The following MCU variants were observed in gnomAD, a reference collection of about 807,000 sequenced individuals.
MCU encodes the protein mitochondrial calcium uniporter.
A neutral mutation model predicts 45.2 loss-of-function variants in MCU; 12 were observed. That is an observed-to-expected ratio of 0.27 (90% CI 0.17 to 0.43). MCU has a LOEUF of 0.43. MCU is among the 20% of genes least tolerant of loss of function. MCU has a pLI of 1.00. For synonymous variants in MCU, 160 were observed against 165.1 expected (o/e 0.97, Z 0.24); for missense variants, 324 against 436.7 (o/e 0.74, Z 2.30).
intron 1 of MCU, among the ~76,000 whole-genome samples, chr10:72,735,751 G>A (rs564610502): frequency 3.1e-4 from 47 of 152,264 alleles, no homozygotes; most frequent in African/African-American, 1.1e-3. Flanking sequence ...ACTTGGCAGG[G>A]ACATTGTAGA....
intron 1 of MCU, among the ~76,000 whole-genome samples, chr10:72,727,840 A>G (rs1385647053): frequency 2.6e-5 from 4 of 152,164 alleles, no homozygotes; most frequent in African/African-American, 4.8e-5. Context: ...GAAAAAATGT[A>G]TGAAGAATGA....
intron 1 of MCU, among the ~76,000 whole-genome samples, chr10:72,790,250 G>A (rs1382086655): frequency 1.3e-5 from 2 of 152,176 alleles, no homozygotes; most frequent in East Asian, 3.8e-4. Context: ...CACCAAAGAA[G>A]ATGGGGGAAA....
chr10:72,724,536 A>T (rs1435676565), intron 1 of MCU, among the ~76,000 whole-genome samples: 1 of 152,076 alleles, frequency 6.6e-6, no homozygotes, highest in Non-Finnish European at 1.5e-5. Flanking sequence ...GTCACTTTTT[A>T]ACATTTTAAG....
chr10:72,741,260 C>T (rs1049855202), intron 1 of MCU, among the ~76,000 whole-genome samples: 20 of 151,914 alleles, frequency 1.3e-4, no homozygotes, highest in Admixed American at 1.1e-3. Context: ...CCACCACACC[C>T]GGCTAATTTT....
rs139508147 is a variant in MCU at position 72,770,417 on chromosome 10, T to G, written c.151-63942T>G. Among the ~76,000 whole-genome samples the G allele has an allele frequency of 1.2e-4, 19 of 152,276 alleles. 1 individual carries two copies. The highest frequency in any genetic ancestry group is 4.6e-4 in the African/African-American group (19 of 41,568). The stretch of plus-strand genomic sequence containing the variant: ...CACTTCAGATTTGTACTAACTCAAT[T>G]CATGTGAAATATCAAAAAGTTGCTC... On this transcript the variant is annotated intron_variant, in intron 1 of 7. Coordinates refer to ENST00000373053, the MANE Select transcript of MCU (RefSeq NM_138357.3).
intron 1 of MCU, among the ~76,000 whole-genome samples, chr10:72,749,910 G>A (rs1224355269): frequency 1.3e-5 from 2 of 151,826 alleles, no homozygotes; most frequent in African/African-American, 2.4e-5. Flanking sequence ...GGGACTACAG[G>A]CGTGTGCTAC....
intron 4 of MCU, among the ~76,000 whole-genome samples, chr10:72,864,281 T>C (rs1278899560): frequency 6.6e-6 from 1 of 152,144 alleles, no homozygotes; most frequent in Non-Finnish European, 1.5e-5. Flanking sequence ...GTTCTCAAAA[T>C]TTTTTTGTGT....
At chr10:72,807,550 A>G (rs1844471191) in intron 1 of MCU, among the ~76,000 whole-genome samples, 2 of 152,190 alleles carry the variant, frequency 1.3e-5, no homozygotes. Context: ...TTTAGCTCCC[A>G]GGTAACTCAA....
intron 4 of MCU, among the ~76,000 whole-genome samples, chr10:72,868,084 T>A (rs917241784): frequency 2.0e-5 from 3 of 152,164 alleles, no homozygotes; most frequent in African/African-American, 7.2e-5. Context: ...TAATTTTGTC[T>A]TTATCTAATG....
At chr10:72,708,722 A>G (rs1842853773) in intron 1 of MCU, among the ~76,000 whole-genome samples, 1 of 152,202 alleles carries the variant, frequency 6.6e-6, no homozygotes, top group African/African-American at 2.4e-5. Flanking sequence ...TGGGAATGTC[A>G]AGAAGGAATG....
At chr10:72,741,362 A>G (rs1173763558) in intron 1 of MCU, among the ~76,000 whole-genome samples, 1 of 152,124 alleles carries the variant, frequency 6.6e-6, no homozygotes, top group Non-Finnish European at 1.5e-5. Flanking sequence ...TGGCCTTCCA[A>G]AGTGCTGGGA....
At chr10:72,811,361 A>C (rs974140280) in intron 1 of MCU, among the ~76,000 whole-genome samples, 1 of 152,220 alleles carries the variant, frequency 6.6e-6, no homozygotes, top group Non-Finnish European at 1.5e-5. Context: ...TTTTTTGTTG[A>C]AGTGAGTTGA....
In MCU at chr10:72,868,831, G is replaced by A; in HGVS notation, c.625G>A (p.Asp209Asn). The A allele has an allele frequency of 6.2e-7, 1 of 1,614,048 alleles. No individual in the cohort carries two copies. Among genetic ancestry groups the A allele is most frequent in the Non-Finnish European group, 8.5e-7 (1 of 1,179,996 alleles). The change falls in exon 5 of 8, where the codon GAT (aspartate) becomes AAT (asparagine). Residue 209 changes from aspartate to asparagine, a missense_variant. Physicochemically the swap from Asp to Asn is conservative, Grantham distance 23 (BLOSUM62 1). Transcript: ENST00000373053. ...KERELIERLE[D>N]LKEQLAPLEK... is the part of the protein sequence containing the mutation. ...AAGGGAGCTTATTGAAAGACTAGAGGATCTCAAAGAGCAGCTGGCTCCCCT... is the reference window on the plus strand; with the variant it reads ...AAGGGAGCTTATTGAAAGACTAGAGAATCTCAAAGAGCAGCTGGCTCCCCT...
chr10:72,777,837 T>C (rs955061263), intron 1 of MCU, among the ~76,000 whole-genome samples: 6 of 152,066 alleles, frequency 3.9e-5, no homozygotes, highest in African/African-American at 1.4e-4. Flanking sequence ...AACAACCCAA[T>C]AGCAGAATAA....
rs1027964763 is a variant in MCU, at chr10:72,884,458, T to C, written c.978+76T>C. On this transcript the variant is annotated intron_variant, in intron 7 of 7. Transcript: ENST00000373053. ...TTATTATTATCCACAGCCACGGTTC[T>C]TCAAATGAGTAAACTGAAGGAATGT... The C allele has an allele frequency of 8.8e-6, 7 of 797,070 alleles. No individual in the cohort carries two copies. In the African/African-American group the frequency reaches 1.2e-4, roughly 14 times the overall value. 49.4% of individuals were successfully genotyped at this position (797,070 alleles called of 1,614,324 possible).
chr10:72,800,369 G>A (rs116760896), intron 1 of MCU, among the ~76,000 whole-genome samples: 2,567 of 152,226 alleles, frequency 0.017, 75 homozygotes, highest in African/African-American at 0.059. Flanking sequence ...AATGAATTTT[G>A]TGTTTAGATT....
chr10:72,736,169 A>G (rs536886825), intron 1 of MCU, among the ~76,000 whole-genome samples: 1 of 152,326 alleles, frequency 6.6e-6, no homozygotes, highest in South Asian at 2.1e-4. Context: ...TTGTGTATTC[A>G]TGGACGTTGG....
intron 1 of MCU, among the ~76,000 whole-genome samples, chr10:72,755,057 A>G (rs1215100415): frequency 6.6e-6 from 1 of 152,072 alleles, no homozygotes; most frequent in Non-Finnish European, 1.5e-5. Flanking sequence ...AGGGAATATA[A>G]TAAGTATAGT....
rs1193681306 is a variant in MCU at position 72,873,013 on chromosome 10, G to GTTT, written c.861+1454_861+1456dup. Among the ~76,000 whole-genome samples the GTTT allele has an allele frequency of 1.4e-3, 128 of 88,858 alleles. 1 individual carries two copies. The highest frequency in any genetic ancestry group is 1.8e-3 in the Non-Finnish European group (82 of 44,344). 58.3% of individuals were successfully genotyped at this position (88,858 alleles called of 152,430 possible). On this transcript the variant is annotated intron_variant, in intron 6 of 7. Transcript: ENST00000373053. ...TTGTTTTTGTTTTTTTGTTTTTTGG[G>GTTT]TTTTTTTTTTTTTTTTTTTTTTTGA...
Sources: gnomAD v4.1 joint callset for allele counts (sites outside exome capture counted in the v4.1 genomes callset) on GRCh38, gnomAD v4.1.1 for gene constraint, MANE v1.5 for transcripts, NCBI Gene and HGNC (gene_info 2026-07-23, HGNC 2026-07-21) for gene names.